SGIP1: variants seen among roughly 807,000 people sequenced by gnomAD.
The protein encoded by SGIP1 is SH3GL interacting endocytic adaptor 1, also known as SH3-containing GRB2-like protein 3-interacting protein 1.
Under a neutral mutation model 107.5 loss-of-function variants are expected in SGIP1, and 38 were observed. The observed-to-expected ratio is 0.35, with a 90% CI of 0.27 to 0.46. SGIP1 has a LOEUF of 0.46. Among genes scored for constraint, SGIP1 ranks in the 20% least tolerant of loss-of-function variants. SGIP1 has a pLI of 1.00. For synonymous variants in SGIP1, 365 were observed against 366.1 expected (o/e 1.00, Z 0.03); for missense variants, 929 against 1,019.5 (o/e 0.91, Z 1.21).
chr1:66,739,899 A>G (rs1344931378), intron 22 of SGIP1, among the ~76,000 whole-genome samples: 1 of 152,184 alleles, frequency 6.6e-6, no homozygotes, highest in East Asian at 1.9e-4. Context: ...GCAAGCTCCT[A>G]TTGGTACCTC....
intron 1 of SGIP1, among the ~76,000 whole-genome samples, chr1:66,619,468 G>A (rs1165017450): frequency 1.3e-5 from 2 of 152,226 alleles, no homozygotes; most frequent in African/African-American, 2.4e-5. Context: ...TCTCTGGTTT[G>A]TACCTGCCCC....
intron 1 of SGIP1, among the ~76,000 whole-genome samples, chr1:66,587,664 A>G (rs2062846282): frequency 6.6e-6 from 1 of 152,138 alleles, no homozygotes; most frequent in Non-Finnish European, 1.5e-5. Flanking sequence ...ATTCTAGGAT[A>G]CTGCTAATTC....
At chr1:66,662,167 C>T (rs571017669) in intron 8 of SGIP1, among the ~76,000 whole-genome samples, 7 of 152,170 alleles carry the variant, frequency 4.6e-5, no homozygotes, top group African/African-American at 9.7e-5. Context: ...TAGGAATCCT[C>T]GTAGGAATCT....
chr1:66,546,041 G>T (rs1288867030), intron 1 of SGIP1, among the ~76,000 whole-genome samples: 1 of 152,154 alleles, frequency 6.6e-6, no homozygotes, highest in Non-Finnish European at 1.5e-5. Flanking sequence ...TGGTGAAAGA[G>T]TCAAGCCACC....
At chr1:66,564,633 A>C (rs1372158636) in intron 1 of SGIP1, among the ~76,000 whole-genome samples, 1 of 151,980 alleles carries the variant, frequency 6.6e-6, no homozygotes, top group African/African-American at 2.4e-5. Flanking sequence ...GTGAGCAGAC[A>C]ATACAAGCAG....
chr1:66,694,248 T>G (rs1018174802), intron 17 of SGIP1, among the ~76,000 whole-genome samples: 2 of 151,650 alleles, frequency 1.3e-5, no homozygotes, highest in African/African-American at 4.8e-5. Context: ...TAATTTCCTC[T>G]CATAGAATCA....
At chr1:66,642,995 A>T in intron 6 of SGIP1, 131 bp downstream of exon 6, 1 of 773,526 alleles carries the variant, frequency 1.3e-6, no homozygotes, top group Non-Finnish European at 2.1e-6. Flanking sequence ...ATTAGAGATG[A>T]ATAAACAGCA....
At chr1:66,601,278 T>C (rs1199804348) in intron 1 of SGIP1, among the ~76,000 whole-genome samples, 2 of 152,082 alleles carry the variant, frequency 1.3e-5, no homozygotes, top group Non-Finnish European at 2.9e-5. Context: ...GTCAGGAGAA[T>C]GGCGTGAACC....
intron 1 of SGIP1, among the ~76,000 whole-genome samples, chr1:66,555,510 C>T (rs2058051425): frequency 6.6e-6 from 1 of 152,134 alleles, no homozygotes; most frequent in South Asian, 2.1e-4. Flanking sequence ...CTAGTACAAT[C>T]CCAGGCTCAT....
At chr1:66,548,077 G>T (rs551271339) in intron 1 of SGIP1, among the ~76,000 whole-genome samples, 447 of 152,230 alleles carry the variant, frequency 2.9e-3, no homozygotes, top group Middle Eastern at 0.01. Context: ...TATGAGCAAT[G>T]GAGGTGGATC....
intron 1 of SGIP1, among the ~76,000 whole-genome samples, chr1:66,569,044 T>A (rs2060037029): frequency 6.6e-6 from 1 of 151,922 alleles, no homozygotes; most frequent in Non-Finnish European, 1.5e-5. Flanking sequence ...ACTGGTTAAA[T>A]AAGAATGAAT....
chr1:66,561,379 A>C (rs929838434), intron 1 of SGIP1, among the ~76,000 whole-genome samples: 3 of 151,986 alleles, frequency 2.0e-5, no homozygotes, highest in African/African-American at 7.2e-5. Flanking sequence ...CAATCTTTCC[A>C]CTACCCCTTG....
chr1:66,634,098 C>G, intron 3 of SGIP1: 2 of 1,608,086 alleles, frequency 1.2e-6, no homozygotes, highest in Non-Finnish European at 1.7e-6. Flanking sequence ...AAAAAAGACC[C>G]AGAAGACTCA....
intron 2 of SGIP1, among the ~76,000 whole-genome samples, chr1:66,630,832 AAAG>A (rs1558132844): frequency 1.0e-4 from 1 of 9,848 alleles, no homozygotes; most frequent in African/African-American, 6.8e-4. Flanking sequence ...AGAAAGAAAG[AAAG>A]AAAGAAAGAA....
At chr1:66,742,567 T>A (rs1314488676) in intron 24 of SGIP1, among the ~76,000 whole-genome samples, 2 of 144,070 alleles carry the variant, frequency 1.4e-5, no homozygotes, top group African/African-American at 2.7e-5. Context: ...CCTCTTGGGT[T>A]CATGCCATTC....
chr1:66,567,428 A>G (rs1417714065), intron 1 of SGIP1, among the ~76,000 whole-genome samples: 4 of 152,138 alleles, frequency 2.6e-5, no homozygotes, highest in Non-Finnish European at 4.4e-5. Context: ...GGTAGATTGC[A>G]AAAATGCTCT....
chr1:66,670,936 C>A, intron 9 of SGIP1, 59 bp from the exon 10 acceptor site: 2 of 771,354 alleles, frequency 2.6e-6, no homozygotes, highest in Non-Finnish European at 3.9e-6. Flanking sequence ...AGAAATAATA[C>A]ATATTGTACA....
intron 1 of SGIP1, among the ~76,000 whole-genome samples, chr1:66,555,372 C>G (rs919359872): frequency 3.3e-5 from 5 of 152,122 alleles, no homozygotes; most frequent in African/African-American, 1.2e-4. Context: ...TATCTTATAT[C>G]TGAACCTTTA....
intron 1 of SGIP1, among the ~76,000 whole-genome samples, chr1:66,625,124 G>A (rs2072314224): frequency 1.3e-5 from 2 of 152,168 alleles, no homozygotes; most frequent in South Asian, 4.1e-4. Context: ...ACATATAAGA[G>A]CAACATTTTG....
Sources: gnomAD v4.1 joint callset for allele counts (sites outside exome capture counted in the v4.1 genomes callset) on GRCh38, gnomAD v4.1.1 for gene constraint, MANE v1.5 for transcripts, NCBI Gene and HGNC (gene_info 2026-07-23, HGNC 2026-07-21) for gene names.